Variants in RCCD1 observed in about 807,000 individuals in gnomAD.
The protein encoded by RCCD1 is RCC1 domain-containing protein 1.
Under a neutral mutation model 37.6 loss-of-function variants are expected in RCCD1, and 40 were observed. That is an observed-to-expected ratio of 1.06 (90% CI 0.83 to 1.39). RCCD1 has a LOEUF of 1.39. RCCD1 is among the 40% of genes most tolerant of loss of function. The pLI is 0.00. For missense variants in RCCD1, 577 were observed against 517.3 expected, an observed-to-expected ratio of 1.12 and a Z score of -1.12; for synonymous variants, 263 against 230.0, an observed-to-expected ratio of 1.14 and a Z score of -1.30.
chr15:90,957,295 C>A lies in RCCD1; in HGVS notation c.349C>A (p.Pro117Thr). The change falls in exon 3 of 8, where the codon CCC (proline) becomes ACC (threonine). Residue 117 changes from proline to threonine, a missense_variant. By Grantham distance (38) the Pro-to-Thr change is conservative. Transcript: ENST00000394258. Reference sequence around the variant, plus strand: ...GCCATTGTGGGCCCAGAATGTGGTGCCCGAGGCCGAAGGGGAAGACGATCC... The same window carrying A: ...GCCATTGTGGGCCCAGAATGTGGTGACCGAGGCCGAAGGGGAAGACGATCC... ...GEPLWAQNVV[P>T]EAEGEDDPAG... 6.5e-7 allele frequency: 1 copy of A among 1,530,024 alleles called. No homozygotes were observed. The highest frequency in any genetic ancestry group is 8.8e-7 in the Non-Finnish European group (1 of 1,135,452). The allele number at this position is 1,530,024 out of a possible 1,614,324, so 94.8% of individuals were successfully genotyped here.
chr15:90,959,430 G>A (rs71409373), intron 4 of RCCD1, among the ~76,000 whole-genome samples: 11,161 of 152,246 alleles, frequency 0.073, 438 homozygotes, highest in South Asian at 0.15. Flanking sequence ...TTGAAAAAGG[G>A]GCACAGGCCG....
intron 4 of RCCD1, 83 bp downstream of exon 4, chr15:90,957,808 A>T: frequency 6.7e-7 from 1 of 1,498,692 alleles, no homozygotes; most frequent in South Asian, 1.3e-5. Flanking sequence ...GTGGGGGCCT[A>T]CCCAGGCCTC....
At chr15:90,956,038 C>T (rs912129004) in intron 1 of RCCD1, among the ~76,000 whole-genome samples, 4 of 152,128 alleles carry the variant, frequency 2.6e-5, no homozygotes, top group African/African-American at 9.7e-5. Flanking sequence ...GCATTTATTA[C>T]AATTCTGTGA....
chr15:90,959,196 TG>T (rs1226158720), intron 4 of RCCD1, among the ~76,000 whole-genome samples: 1 of 152,202 alleles, frequency 6.6e-6, no homozygotes, highest in Non-Finnish European at 1.5e-5. Flanking sequence ...CCTGCGTAAA[TG>T]GTGATATTGT....
In RCCD1 at chr15:90,962,333, A is replaced by C. The variant is rs182590567; in HGVS notation, c.*564A>C. On this transcript the variant is annotated 3_prime_UTR_variant, in exon 8 of 8. Coordinates refer to ENST00000394258, the MANE Select transcript of RCCD1 (RefSeq NM_001017919.2). ...TGTTCTGTTGTATGAATAATACCTCAAGTGATACAGCCTTGTTGATGGTCA... is the reference window on the plus strand; with the variant it reads ...TGTTCTGTTGTATGAATAATACCTCCAGTGATACAGCCTTGTTGATGGTCA... The C allele has an allele frequency of 1.3e-5, 2 of 152,368 alleles. No individual in the cohort carries two copies. Among genetic ancestry groups the C allele is most frequent in the African/African-American group, 4.8e-5 (2 of 41,564 alleles). The allele number at this position is 152,368 out of a possible 1,614,324, so 9.4% of individuals were successfully genotyped here.
intron 7 of RCCD1, chr15:90,961,343 T>G (rs963862934): frequency 3.1e-5 from 18 of 580,978 alleles, no homozygotes; most frequent in Admixed American, 2.8e-4. Context: ...TTTGTGGATG[T>G]GACACTGGGT....
At position 90,956,948 on chromosome 15, in the gene RCCD1, G is replaced by GTCGCCTCCCCGC. The variant is rs1468514137; in HGVS notation, c.166+49_166+60dup. 3.2e-6 allele frequency: 4 copies of GTCGCCTCCCCGC among 1,267,902 alleles called. No individual in the cohort carries two copies. The African/African-American group carries it at 6.2e-5, about 20-fold the overall frequency. 78.5% of individuals were successfully genotyped at this position (1,267,902 alleles called of 1,614,324 possible). Reference sequence around the variant, plus strand: ...CCACTTATTCCAGCCGCGCTCCCCAGTCGCCTCCCCGCACCGCTGTGGCCA... The same window carrying GTCGCCTCCCCGC: ...CCACTTATTCCAGCCGCGCTCCCCAGTCGCCTCCCCGCTCGCCTCCCCGCACCGCTGTGGCCA... On this transcript the variant is annotated intron_variant, in intron 2 of 7. Transcript: ENST00000394258.
intron 4 of RCCD1, among the ~76,000 whole-genome samples, chr15:90,958,230 TAG>T (rs1280609290): frequency 6.6e-6 from 1 of 152,192 alleles, no homozygotes; most frequent in Non-Finnish European, 1.5e-5. Flanking sequence ...CCTAGGCTGT[TAG>T]AGCCCATGCA....
intron 2 of RCCD1, 54 bp from the exon 3 acceptor site, chr15:90,957,059 C>G (rs1460594379): frequency 5.4e-6 from 7 of 1,301,750 alleles, no homozygotes; most frequent in South Asian, 4.7e-5. Flanking sequence ...ACACCCCGCT[C>G]CCCCCATCCC....
rs1199027722 is a variant in RCCD1, at chr15:90,961,074, T to C, written c.979+20T>C. On this transcript the variant is annotated intron_variant, in intron 7 of 7. Coordinates refer to ENST00000394258, the MANE Select transcript of RCCD1 (RefSeq NM_001017919.2). The stretch of plus-strand genomic sequence containing the variant: ...GCTGGGGTAAGTAAAAGGATTGTTT[T>C]TGTGACCCTGAAACCAAGGAGAAGA... 6.2e-7 allele frequency: 1 copy of C among 1,612,944 alleles called. No homozygotes were observed. The highest frequency in any genetic ancestry group is 8.5e-7 in the Non-Finnish European group (1 of 1,179,514).
Position 90,961,058 on chromosome 15 carries a change from A to G in RCCD1, c.979+4A>G. On this transcript the variant is annotated splice_donor_region_variant and intron_variant, in intron 7 of 7. Transcript: ENST00000394258. ...GAGCTCTACACCTGGGGCTGGGGTA[A>G]GTAAAAGGATTGTTTTTGTGACCCT... is the stretch of plus-strand genomic sequence containing the variant. 1 of 1,613,672 alleles carries G rather than the reference A, an allele frequency of 6.2e-7. No homozygotes were observed. Among genetic ancestry groups the G allele is most frequent in the Non-Finnish European group, 8.5e-7 (1 of 1,179,886 alleles).
In RCCD1 at chr15:90,961,029, A is replaced by C; in HGVS notation, c.954A>C (p.Thr318=). Residue 318 remains threonine, a synonymous_variant, in exon 7 of 8, where the codon ACA becomes ACC. Transcript: ENST00000394258. ...CGATTGTCCTTTTGCTTTCAGGAAC[A>C]GGGGAGCTCTACACCTGGGGCTGGG... ...GSRHTAVVTR[T]GELYTWGWGK... 6.2e-7 allele frequency: 1 copy of C among 1,606,538 alleles called. No individual in the cohort carries two copies. Among genetic ancestry groups the C allele is most frequent in the Non-Finnish European group, 8.5e-7 (1 of 1,176,912 alleles).
intron 1 of RCCD1, chr15:90,955,793 C>A (rs1202084145): frequency 6.6e-6 from 1 of 151,654 alleles, no homozygotes. Flanking sequence ...CCCCATTTAA[C>A]GGTTAGCTCC....
In RCCD1 at chr15:90,960,781, A is replaced by T. The variant is rs374322157; in HGVS notation, c.950-244A>T. 6.4e-5 allele frequency: 41 copies of T among 635,786 alleles called. No homozygotes were observed. In the African/African-American group the frequency reaches 6.9e-4, roughly 11 times the overall value. The allele number at this position is 635,786 out of a possible 1,614,324, so 39.4% of individuals were successfully genotyped here. ...CCGCCTCTGACAGCAGGGACTGTCC[A>T]GTCTGGCATGGAAGACTGCGGCGCT... is the stretch of plus-strand genomic sequence containing the variant. On this transcript the variant is annotated intron_variant, in intron 6 of 7. Coordinates refer to ENST00000394258, the MANE Select transcript of RCCD1 (RefSeq NM_001017919.2).
rs777655234 is a variant in RCCD1 at position 90,956,761 on chromosome 15, G to T, written c.27G>T (p.Trp9Cys). ...TGGCGGAGGAGCGGCCGGGGGCCTGGTTCGGCTTCGGTTTCTGCGGCTTCG... is the reference window on the plus strand; with the variant it reads ...TGGCGGAGGAGCGGCCGGGGGCCTGTTTCGGCTTCGGTTTCTGCGGCTTCG... MAEERPGAWFGFGFCGFGQ... is the reference protein window; with the variant it reads MAEERPGACFGFGFCGFGQ... Residue 9 changes from tryptophan to cysteine, a missense_variant, in exon 2 of 8, where the codon TGG (tryptophan) becomes TGT (cysteine). By Grantham distance (215) the Trp-to-Cys change is radical. Transcript: ENST00000394258. 11 of 1,330,558 alleles carry T rather than the reference G, an allele frequency of 8.3e-6. No individual in the cohort carries two copies. Among genetic ancestry groups the T allele is most frequent in the Non-Finnish European group, 1.1e-5 (11 of 1,039,716 alleles). The allele number at this position is 1,330,558 out of a possible 1,614,324, so 82.4% of individuals were successfully genotyped here.
At position 90,958,410 on chromosome 15, in the gene RCCD1, C is replaced by T. The variant is rs146936821; in HGVS notation, c.679+685C>T. Among the ~76,000 whole-genome samples, 290 of 152,080 alleles carry T rather than the reference C, an allele frequency of 1.9e-3. 3 individuals are homozygous for T. The highest frequency in any genetic ancestry group is 6.8e-4 in the Non-Finnish European group (46 of 67,994). On this transcript the variant is annotated intron_variant, in intron 4 of 7. Coordinates refer to ENST00000394258, the MANE Select transcript of RCCD1 (RefSeq NM_001017919.2). ...TTGGGAGGCCGAGGTGAGTGGATCA[C>T]GAGGTCAGGAGTTCGAGATCAGCCT...
chr15:90,960,822 C>T (rs905693388), intron 6 of RCCD1: 19 of 671,544 alleles, frequency 2.8e-5, no homozygotes, highest in South Asian at 2.2e-4. Context: ...GCATGGCACA[C>T]AGGAAGATCC....
Position 90,961,016 on chromosome 15 carries a change from TG to T in RCCD1, c.950-8del. The T allele has an allele frequency of 1.3e-6, 2 of 1,595,664 alleles. No individual in the cohort carries two copies. Among genetic ancestry groups the T allele is most frequent in the Non-Finnish European group, 1.7e-6 (2 of 1,172,072 alleles). On this transcript the variant is annotated splice_region_variant and splice_polypyrimidine_tract_variant and intron_variant, in intron 6 of 7. Transcript: ENST00000394258. ...TAGTGACAACTATCGATTGTCCTTTTGCTTTCAGGAACAGGGGAGCTCTACA... is the reference window on the plus strand; with the variant it reads ...TAGTGACAACTATCGATTGTCCTTTTCTTTCAGGAACAGGGGAGCTCTACA...
chr15:90,960,532 G>C, intron 6 of RCCD1, 34 bp downstream of exon 6: 3 of 1,579,842 alleles, frequency 1.9e-6, no homozygotes, highest in Non-Finnish European at 2.6e-6. Flanking sequence ...TGCTCCACTC[G>C]AGCTGGTGCC....
Sources: gnomAD v4.1 joint callset for allele counts (sites outside exome capture counted in the v4.1 genomes callset) on GRCh38, gnomAD v4.1.1 for gene constraint, MANE v1.5 for transcripts, NCBI Gene and HGNC (gene_info 2026-07-23, HGNC 2026-07-21) for gene names.